Variants in BCL2 observed in about 807,000 individuals in gnomAD.
BCL2 encodes the protein apoptosis regulator Bcl-2.
BCL2 carries 1 observed loss-of-function variant against 14.2 expected under a neutral mutation model. The observed-to-expected ratio is 0.07, with a 90% CI of 0.02 to 0.33. The LOEUF (loss-of-function observed/expected upper bound fraction) is 0.33. Ranked by LOEUF, BCL2 falls within the 10% of genes least tolerant of loss-of-function variation. The pLI is 0.99. For synonymous variants in BCL2, 151 were observed against 137.2 expected, an observed-to-expected ratio of 1.10 and a Z score of -0.70; for missense variants, 247 against 305.9, an observed-to-expected ratio of 0.81 and a Z score of 1.44.
At chr18:63,292,214 C>T (rs1250405834) in intron 2 of BCL2, among the ~76,000 whole-genome samples, 1 of 148,296 alleles carries the variant, frequency 6.7e-6, no homozygotes, top group Non-Finnish European at 1.5e-5. Context: ...CCCCAGCCAA[C>T]CCCAGTGCAA....
rs566613689 is a variant in BCL2, at chr18:63,223,437, CT to C, written c.585+94644del. On this transcript the variant is annotated intron_variant, in intron 2 of 2. Coordinates refer to ENST00000333681, the MANE Select transcript of BCL2 (RefSeq NM_000633.3). ...TAAATAAAGAAGAATGTGAGGGAAA[CT>C]GTTTAAGAATCAGTTAGATCCCTGG... Among the ~76,000 whole-genome samples the C allele has an allele frequency of 1.3e-4, 19 of 151,906 alleles. 1 individual carries two copies. In the South Asian group the frequency reaches 2.5e-3, roughly 20 times the overall value.
At chr18:63,196,780 A>G (rs896092622) in intron 2 of BCL2, among the ~76,000 whole-genome samples, 2 of 152,208 alleles carry the variant, frequency 1.3e-5, no homozygotes, top group African/African-American at 4.8e-5. Flanking sequence ...TTTAAATAAA[A>G]GCTTTCCAGG....
intron 2 of BCL2, among the ~76,000 whole-genome samples, chr18:63,234,660 G>A (rs757166618): frequency 1.8e-4 from 27 of 152,204 alleles, no homozygotes; most frequent in Non-Finnish European, 3.4e-4. Context: ...ACTCATAGTA[G>A]TTATGACTTA....
intron 2 of BCL2, among the ~76,000 whole-genome samples, chr18:63,184,621 A>G (rs970707016): frequency 6.6e-5 from 10 of 152,248 alleles, no homozygotes; most frequent in Admixed American, 6.5e-4. Context: ...ACTCATTGCA[A>G]AAGGATTCCT....
chr18:63,251,635 ACT>A (rs1296372278), intron 2 of BCL2, among the ~76,000 whole-genome samples: 2 of 144,470 alleles, frequency 1.4e-5, no homozygotes, highest in African/African-American at 5.1e-5. Flanking sequence ...ACAGAGCAAG[ACT>A]CTGTCTCAAA....
At position 63,155,106 on chromosome 18, in the gene BCL2, C is replaced by T. The variant is rs576515908; in HGVS notation, c.586-26347G>A. Among the ~76,000 whole-genome samples the T allele has an allele frequency of 1.8e-3, 274 of 152,280 alleles. 3 individuals carry two copies. Among genetic ancestry groups the T allele is most frequent in the African/African-American group, 6.3e-3 (261 of 41,558 alleles). Reference sequence around the variant, plus strand: ...ATTCATCTATAAGAATAAGAGGACGCTACAACATCAACCACAAAGGCTGGG... The same window carrying T: ...ATTCATCTATAAGAATAAGAGGACGTTACAACATCAACCACAAAGGCTGGG... On this transcript the variant is annotated intron_variant, in intron 2 of 2. Coordinates refer to ENST00000333681, the MANE Select transcript of BCL2 (RefSeq NM_000633.3).
At chr18:63,204,634 AG>A (rs1325997210) in intron 2 of BCL2, among the ~76,000 whole-genome samples, 5 of 152,212 alleles carry the variant, frequency 3.3e-5, no homozygotes, top group Admixed American at 6.5e-5. Flanking sequence ...GACTAATAAA[AG>A]GGTTGTTGTT....
intron 2 of BCL2, among the ~76,000 whole-genome samples, chr18:63,198,830 T>C (rs796650253): frequency 0.017 from 85 of 4,908 alleles, 1 homozygote; most frequent in Middle Eastern, 0.062. Context: ...CACACAGACA[T>C]ACACAGACAC....
In BCL2 at chr18:63,213,248, T is replaced by C. The variant is rs534312160; in HGVS notation, c.586-84489A>G. On this transcript the variant is annotated intron_variant, in intron 2 of 2. Coordinates refer to ENST00000333681, the MANE Select transcript of BCL2 (RefSeq NM_000633.3). ...TTGCAGCCAATTGTTACCATGCAGG[T>C]ATTCTTCCTGGCAAATATTCAAATG... Among the ~76,000 whole-genome samples the C allele has an allele frequency of 5.9e-5, 9 of 152,322 alleles. No individual in the cohort carries two copies. The South Asian group carries it at 1.2e-3, about 21-fold the overall frequency.
At chr18:63,255,374 T>C (rs913571305) in intron 2 of BCL2, among the ~76,000 whole-genome samples, 1 of 152,216 alleles carries the variant, frequency 6.6e-6, no homozygotes, top group African/African-American at 2.4e-5. Flanking sequence ...GACTGGCCTA[T>C]GTCCCAGGGG....
chr18:63,276,668 T>C (rs923242330), intron 2 of BCL2, among the ~76,000 whole-genome samples: 4 of 152,224 alleles, frequency 2.6e-5, no homozygotes, highest in Non-Finnish European at 4.4e-5. Flanking sequence ...AAATATCACA[T>C]CACTAAAGTC....
chr18:63,206,927 C>T (rs1011139315), intron 2 of BCL2, among the ~76,000 whole-genome samples: 4 of 151,910 alleles, frequency 2.6e-5, no homozygotes, highest in South Asian at 2.1e-4. Flanking sequence ...AAGGGGAGGA[C>T]GACTTAAAGA....
intron 2 of BCL2, among the ~76,000 whole-genome samples, chr18:63,202,836 C>G (rs911012944): frequency 5.3e-5 from 8 of 152,176 alleles, no homozygotes; most frequent in African/African-American, 9.7e-5. Flanking sequence ...CACCCAACAC[C>G]ATCAGGGGCT....
At chr18:63,200,664 A>G (rs1452393130) in intron 2 of BCL2, among the ~76,000 whole-genome samples, 1 of 152,202 alleles carries the variant, frequency 6.6e-6, no homozygotes, top group Non-Finnish European at 1.5e-5. Flanking sequence ...GTCTTGCTCT[A>G]TCACTCAGGC....
intron 2 of BCL2, among the ~76,000 whole-genome samples, chr18:63,152,608 A>G (rs1914677146): frequency 6.6e-6 from 1 of 152,220 alleles, no homozygotes; most frequent in African/African-American, 2.4e-5. Context: ...ATCAACATAC[A>G]TACAGAGTGC....
At chr18:63,211,151 A>G (rs1378453742) in intron 2 of BCL2, among the ~76,000 whole-genome samples, 1 of 134,864 alleles carries the variant, frequency 7.4e-6, no homozygotes, top group Non-Finnish European at 1.5e-5. Flanking sequence ...GCTCACTGCA[A>G]CCACCACCTC....
At chr18:63,179,441 C>T (rs910460794) in intron 2 of BCL2, among the ~76,000 whole-genome samples, 1 of 152,148 alleles carries the variant, frequency 6.6e-6, no homozygotes, top group Non-Finnish European at 1.5e-5. Context: ...TCATCTCATC[C>T]CAAATATTTG....
At chr18:63,273,017 G>GAA (rs59800965) in intron 2 of BCL2, among the ~76,000 whole-genome samples, 2,312 of 109,690 alleles carry the variant, frequency 0.021, 46 homozygotes, top group South Asian at 0.087. Context: ...GACAGAGATT[G>GAA]AAAAAAAAAA....
intron 2 of BCL2, among the ~76,000 whole-genome samples, chr18:63,216,296 A>C (rs1740179198): frequency 1.3e-5 from 2 of 152,148 alleles, no homozygotes; most frequent in Admixed American, 1.3e-4. Context: ...AAAGAAATGA[A>C]AATCCATTTA....
Sources: gnomAD v4.1 joint callset for allele counts (sites outside exome capture counted in the v4.1 genomes callset) on GRCh38, gnomAD v4.1.1 for gene constraint, MANE v1.5 for transcripts, NCBI Gene and HGNC (gene_info 2026-07-23, HGNC 2026-07-21) for gene names.